The following OR2L13 variants were observed in gnomAD, a reference collection of about 807,000 sequenced individuals.
OR2L13 encodes olfactory receptor family 2 subfamily L member 13, also known as olfactory receptor 2L13.
Under a neutral mutation model 15.3 loss-of-function variants are expected in OR2L13, and 14 were observed. The observed-to-expected ratio is 0.91, with a 90% CI of 0.60 to 1.43. OR2L13 has a LOEUF of 1.43. Ranked by LOEUF, OR2L13 falls within the 40% of genes most tolerant of loss-of-function variation. The pLI, the probability that OR2L13 is intolerant of heterozygous loss-of-function variation, is 0.00. For synonymous variants in OR2L13, 152 were observed against 142.9 expected, an observed-to-expected ratio of 1.06 and a Z score of -0.45; for missense variants, 367 against 387.9, an observed-to-expected ratio of 0.95 and a Z score of 0.45.
chr1:247,966,328 T>A, the OR2L13 span: 3 of 1,611,434 alleles, frequency 1.9e-6, no homozygotes, highest in South Asian at 2.2e-5. Context: ...TGACTTCAGA[T>A]CTCTGTATTG....
the OR2L13 span, among the ~76,000 whole-genome samples, chr1:247,950,379 G>A: frequency 2.4e-4 from 36 of 152,232 alleles, 2 homozygotes; most frequent in African/African-American, 8.7e-4. Context: ...TTCTGTAGTG[G>A]AATGAATCCC....
chr1:248,024,152 C>T, the OR2L13 span: 4 of 151,920 alleles, frequency 2.6e-5, no homozygotes, highest in Admixed American at 6.6e-5. Context: ...CCAATAAACC[C>T]GTCATCTAAG....
chr1:248,013,248 C>G, the OR2L13 span, among the ~76,000 whole-genome samples: 1 of 152,084 alleles, frequency 6.6e-6, no homozygotes, highest in Non-Finnish European at 1.5e-5. Flanking sequence ...CAGACACATC[C>G]TTGCTATAAA....
At chr1:247,940,853 A>G in the OR2L13 span, among the ~76,000 whole-genome samples, 1 of 152,116 alleles carries the variant, frequency 6.6e-6, no homozygotes, top group Non-Finnish European at 1.5e-5. Context: ...GGACTAATTT[A>G]CATTCCCACC....
the OR2L13 span, chr1:247,975,229 A>G: frequency 0.9 from 367,634 of 407,652 alleles, 168,432 homozygotes; most frequent in South Asian, 0.98. Context: ...TATATGCCCC[A>G]TATCCCTGTT....
chr1:247,996,383 T>C, the OR2L13 span, among the ~76,000 whole-genome samples: 3 of 152,236 alleles, frequency 2.0e-5, no homozygotes, highest in African/African-American at 7.2e-5. Flanking sequence ...AAGATCCATG[T>C]GATTTAATGA....
At chr1:248,017,445 C>T in the OR2L13 span, among the ~76,000 whole-genome samples, 4 of 152,142 alleles carry the variant, frequency 2.6e-5, no homozygotes, top group Admixed American at 1.3e-4. Flanking sequence ...CAAGAGATAT[C>T]GTAACGTCAC....
At chr1:247,949,531 A>G in the OR2L13 span, 2 of 1,613,974 alleles carry the variant, frequency 1.2e-6, no homozygotes, top group South Asian at 2.2e-5. Context: ...TTTGCTGTCT[A>G]CCACATGAAA....
the OR2L13 span, among the ~76,000 whole-genome samples, chr1:247,946,069 C>T: frequency 6.6e-5 from 10 of 151,964 alleles, no homozygotes; most frequent in African/African-American, 1.9e-4. Context: ...AAGTTTTCAC[C>T]TCCTTGGTTT....
the OR2L13 span, among the ~76,000 whole-genome samples, chr1:248,052,441 G>C: frequency 2.6e-5 from 4 of 152,074 alleles, no homozygotes; most frequent in Admixed American, 2.0e-4. Context: ...AAATCAGAAA[G>C]TATATGGCCT....
the OR2L13 span, among the ~76,000 whole-genome samples, chr1:247,976,305 C>T: frequency 6.6e-6 from 1 of 152,190 alleles, no homozygotes; most frequent in African/African-American, 2.4e-5. Flanking sequence ...TCATACAAGA[C>T]ATTCTGCCTG....
chr1:248,061,979 A>G, the OR2L13 span: 1 of 171,384 alleles, frequency 5.8e-6, no homozygotes, highest in South Asian at 1.6e-4. Context: ...GTAATTTTAA[A>G]TTTACTTTTT....
At chr1:247,999,673 G>A in the OR2L13 span, among the ~76,000 whole-genome samples, 1 of 152,152 alleles carries the variant, frequency 6.6e-6, no homozygotes, top group East Asian at 1.9e-4. Flanking sequence ...GCTGTGGAGA[G>A]CCATCCTTGT....
the OR2L13 span, among the ~76,000 whole-genome samples, chr1:247,937,684 C>T: frequency 6.6e-6 from 1 of 152,400 alleles, no homozygotes; most frequent in Non-Finnish European, 1.5e-5. Flanking sequence ...GGCTCTGGGG[C>T]CTCCTCTCCC....
At chr1:248,049,638 T>C in the OR2L13 span, among the ~76,000 whole-genome samples, 14 of 152,330 alleles carry the variant, frequency 9.2e-5, no homozygotes, top group African/African-American at 2.9e-4. Flanking sequence ...GGAAAAAGAT[T>C]TGTAATGAGT....
chr1:248,080,554 T>C, the OR2L13 span, among the ~76,000 whole-genome samples: 1 of 152,196 alleles, frequency 6.6e-6, no homozygotes, highest in African/African-American at 2.4e-5. Context: ...TGTGTTAGTT[T>C]CCTGAGAATG....
chr1:247,984,206 G>T, the OR2L13 span, among the ~76,000 whole-genome samples: 1 of 150,218 alleles, frequency 6.7e-6, no homozygotes, highest in Non-Finnish European at 1.5e-5. Context: ...AGTAGGAGGT[G>T]GGGGGAGGAG....
chr1:248,027,876 C>T, the OR2L13 span, among the ~76,000 whole-genome samples: 1 of 152,020 alleles, frequency 6.6e-6, no homozygotes. Context: ...AAAACATGTC[C>T]ACACCTGTGA....
At chr1:248,096,852 T>G (rs891693363), upstream of OR2L13, among the ~76,000 whole-genome samples, 2 of 152,202 alleles carry the variant, frequency 1.3e-5, no homozygotes, top group South Asian at 4.1e-4. Flanking sequence ...ACTTTTTATC[T>G]GAGGAATAAG....
Sources: allele counts gnomAD v4.1 joint callset (sites outside exome capture counted in the v4.1 genomes callset), GRCh38; gene constraint gnomAD v4.1.1; transcripts MANE v1.5; gene names NCBI Gene and HGNC (gene_info 2026-07-23, HGNC 2026-07-21).